The following MYH7 variants were observed in gnomAD, a reference collection of about 807,000 sequenced individuals.
MYH7 encodes myosin-7.
A neutral mutation model predicts 225.4 loss-of-function variants in MYH7; 129 were observed. The observed-to-expected ratio is 0.57, with a 90% CI of 0.50 to 0.66. The LOEUF (loss-of-function observed/expected upper bound fraction) is 0.66, where lower values mean the gene tolerates loss of function less well. Among genes scored for constraint, MYH7 ranks in the 30% least tolerant of loss-of-function variants. The pLI is 0.00. For synonymous variants in MYH7, 971 were observed against 1,007.6 expected (o/e 0.96, Z 0.69); for missense variants, 1,649 against 2,517.0 (o/e 0.66, Z 7.38).
intron 9 of MYH7, 78 bp from the exon 10 acceptor site, chr14:23,431,077 C>A (rs1246721160): frequency 3.8e-5 from 41 of 1,074,728 alleles, no homozygotes; most frequent in Non-Finnish European, 5.6e-5. Context: ...ATAAATGTAG[C>A]AAGCAAAAGG....
At position 23,425,784 on chromosome 14, in the gene MYH7, C is replaced by T; in HGVS notation, c.2197G>A (p.Gly733Arg). The change falls in exon 20 of 40, where the codon GGA becomes AGA. Residue 733 changes from glycine (G) to arginine (R), a missense_variant. By Grantham distance (125) the Gly-to-Arg change is moderately radical. Around this residue, in one of 12 missense-constraint regions of MYH7, gnomAD observed 41 missense variants for 124.8 expected, o/e 0.33. Coordinates refer to ENST00000355349, the MANE Select transcript of MYH7 (RefSeq NM_000257.4). This position sits in a 1 kb window ranked among gnomAD's most constrained non-coding sequence, Gnocchi z 4.6. The stretch of plus-strand genomic sequence containing the variant: ...CCCTTCCTGCTATCAATGAACTGTC[C>T]CTCAGGGATGGCCGCTGGGTTCAGG... ...RILNPAAIPE[G>R]QFIDSRKGAE... 2 of 1,613,948 alleles carry T rather than the reference C, an allele frequency of 1.2e-6. No homozygotes were observed. Among genetic ancestry groups the T allele is most frequent in the Non-Finnish European group, 1.7e-6 (2 of 1,179,858 alleles).
In MYH7 at chr14:23,416,878, T is replaced by G; in HGVS notation, c.4634A>C (p.Glu1545Ala). ...AEKMELQSAL[E>A]EAEASLEHEE... Reference sequence around the variant, plus strand: ...TGCACACACACACACCTCGGCCTCCTCCAGGGCTGACTGCAGCTCCATCTT... The same window carrying G: ...TGCACACACACACACCTCGGCCTCCGCCAGGGCTGACTGCAGCTCCATCTT... The change falls in exon 33 of 40, where the codon GAG becomes GCG. Residue 1545 changes from glutamate (E) to alanine (A), a missense_variant. Transcript: ENST00000355349. The G allele has an allele frequency of 6.2e-7, 1 of 1,614,132 alleles. No homozygotes were observed. Among genetic ancestry groups the G allele is most frequent in the South Asian group, 1.1e-5 (1 of 91,084 alleles).
rs551346887 is a variant in MYH7 at position 23,431,967 on chromosome 14, G to A, written c.531-98C>T. 3 of 1,277,822 alleles carry A rather than the reference G, an allele frequency of 2.3e-6. No homozygotes were observed. In the East Asian group the frequency reaches 7.0e-5, roughly 30 times the overall value. 79.2% of individuals were successfully genotyped at this position (1,277,822 alleles called of 1,614,324 possible). A position where few individuals can be genotyped will look rare whatever the true frequency, so the allele number is the denominator to read the frequency against. ...TGCCTGGGCCTACCCGAGAGTAGGA[G>A]CCCTGGGCAAGAAGCTGCCAGGTTA... On this transcript the variant is annotated intron_variant, in intron 6 of 39. Transcript: ENST00000355349.
chr14:23,417,765 C>T (rs995875048), intron 30 of MYH7, 79 bp from the exon 31 acceptor site: 13 of 1,548,426 alleles, frequency 8.4e-6, no homozygotes, highest in Non-Finnish European at 1.1e-5. Flanking sequence ...TGAACCTTCT[C>T]AAAGACAATC....
chr14:23,424,665 G>T, intron 22 of MYH7, 104 bp downstream of exon 22: 1 of 1,584,612 alleles, frequency 6.3e-7, no homozygotes, highest in South Asian at 1.1e-5. Context: ...AGAGTCCTCT[G>T]ACTGAAGGAA....
chr14:23,417,872 G>T, intron 30 of MYH7, 186 bp from the exon 31 acceptor site: 3 of 957,974 alleles, frequency 3.1e-6, no homozygotes, highest in South Asian at 2.7e-5. Context: ...GGAGACCCAG[G>T]CACCCTCTGA....
rs2138671993 is a variant in MYH7, at chr14:23,427,649, C to T, written c.1824G>A (p.Leu608=). The change falls in exon 16 of 40, where the codon TTG becomes TTA. Residue 608 remains leucine, a synonymous_variant. Coordinates refer to ENST00000355349, the MANE Select transcript of MYH7 (RefSeq NM_000257.4). ...KDPLNETVVG[L]YQKSSLKLLS... is the part of the protein sequence containing the mutation. The stretch of plus-strand genomic sequence containing the variant: ...GCAGCTTGAGGGAAGACTTCTGATA[C>T]AAGCCCACGACAGTCTCATTGAGAG... 6.2e-7 allele frequency: 1 copy of T among 1,614,240 alleles called. No homozygotes were observed. The highest frequency in any genetic ancestry group is 8.5e-7 in the Non-Finnish European group (1 of 1,180,052).
intron 24 of MYH7, among the ~76,000 whole-genome samples, chr14:23,422,671 G>A (rs1459253091): frequency 8.4e-6 from 1 of 119,066 alleles, no homozygotes; most frequent in Non-Finnish European, 1.6e-5. Context: ...TCACTCTGTC[G>A]CCAGGCTGGA....
intron 17 of MYH7, 125 bp downstream of exon 17, chr14:23,427,115 G>A: frequency 1.0e-6 from 1 of 977,928 alleles, no homozygotes; most frequent in Middle Eastern, 3.1e-4. Flanking sequence ...GAGTGAAAAT[G>A]GTCCCGAATG....
At chr14:23,430,455 C>T in intron 11 of MYH7, 105 bp downstream of exon 11, 1 of 907,086 alleles carries the variant, frequency 1.1e-6, no homozygotes, top group Admixed American at 2.0e-5. Context: ...GAGGTCCATA[C>T]CACTTTAAAC....
intron 4 of MYH7, 110 bp from the exon 5 acceptor site, chr14:23,432,905 G>T: frequency 6.6e-7 from 1 of 1,520,786 alleles, no homozygotes. Flanking sequence ...GAAAACCTCT[G>T]CATGCACTCA....
At chr14:23,430,224 G>A (rs1892871958) in intron 11 of MYH7, among the ~76,000 whole-genome samples, 1 of 152,078 alleles carries the variant, frequency 6.6e-6, no homozygotes, top group Non-Finnish European at 1.5e-5. Flanking sequence ...ATACCTGTCT[G>A]CATCTGTTCA....
Position 23,425,843 on chromosome 14 carries a change from A to C in MYH7, c.2163-25T>G. On this transcript the variant is annotated intron_variant, in intron 19 of 39. Coordinates refer to ENST00000355349, the MANE Select transcript of MYH7 (RefSeq NM_000257.4). The surrounding 1 kb of genome is among the most constrained non-coding windows in gnomAD (Gnocchi z 4.6). ...CCTGAGGAGGGAAGTGTCCAGAGTC[A>C]CCCATGCTCTGCAGTGATCTGCTCT... The C allele has an allele frequency of 6.2e-7, 1 of 1,613,616 alleles. No homozygotes were observed. The highest frequency in any genetic ancestry group is 1.1e-5 in the South Asian group (1 of 91,058).
intron 7 of MYH7, 26 bp downstream of exon 7, chr14:23,431,734 CA>C: frequency 6.2e-7 from 1 of 1,614,200 alleles, no homozygotes; most frequent in South Asian, 1.1e-5. Flanking sequence ...TTCTGCGGTA[CA>C]GGACCTTGGA....
rs964806982 is a variant in MYH7, at chr14:23,417,142, C to T, written c.4519+11G>A. ...GCAGCCCCTCCCCAGCCTCTTGGGCCCCCAGCACACCCTGCAGGTTTTTGT... is the reference window on the plus strand; with the variant it reads ...GCAGCCCCTCCCCAGCCTCTTGGGCTCCCAGCACACCCTGCAGGTTTTTGT... On this transcript the variant is annotated intron_variant, in intron 32 of 39. Transcript: ENST00000355349. 3 of 1,614,120 alleles carry T rather than the reference C, an allele frequency of 1.9e-6. No individual in the cohort carries two copies. In the East Asian group the frequency reaches 6.7e-5, roughly 36 times the overall value.
rs1060501445 is a variant in MYH7 at position 23,431,653 on chromosome 14, G to T, written c.664C>A (p.Gln222Lys). 6.2e-7 allele frequency: 1 copy of T among 1,614,134 alleles called. No individual in the cohort carries two copies. The highest frequency in any genetic ancestry group is 8.5e-7 in the Non-Finnish European group (1 of 1,180,056). Residue 222 changes from glutamine (Q) to lysine (K), a missense_variant, in exon 8 of 40, where the codon CAG becomes AAG. Transcript: ENST00000355349. ...GKGTLEDQIIQANPALEAFGN... is the reference protein window; with the variant it reads ...GKGTLEDQIIKANPALEAFGN... Reference sequence around the variant, plus strand: ...AAGGCCTCCAGAGCAGGGTTGGCCTGGATGATCTGGTCCTCCAGGGTGCCC... The same window carrying T: ...AAGGCCTCCAGAGCAGGGTTGGCCTTGATGATCTGGTCCTCCAGGGTGCCC...
At position 23,425,468 on chromosome 14, in the gene MYH7, A is replaced by C; in HGVS notation, c.2287-50T>G. 1 of 1,613,566 alleles carries C rather than the reference A, an allele frequency of 6.2e-7. No homozygotes were observed. The highest frequency in any genetic ancestry group is 8.5e-7 in the Non-Finnish European group (1 of 1,179,944). On this transcript the variant is annotated intron_variant, in intron 20 of 39. Coordinates refer to ENST00000355349, the MANE Select transcript of MYH7 (RefSeq NM_000257.4). The surrounding 1 kb of genome is among the most constrained non-coding windows in gnomAD (Gnocchi z 4.6). ...ATGACTAGGGAGGGGTACGAGGGAA[A>C]GAGATGGTGGGGATTACCTTAGGAA...
chr14:23,416,944 A>G lies in MYH7; in HGVS notation c.4568T>C (p.Ile1523Thr), dbSNP rs1892237828. Residue 1523 changes from isoleucine (I) to threonine (T), a missense_variant, in exon 33 of 40, where the codon ATC becomes ACC. Physicochemically the swap from Ile to Thr is moderately conservative, Grantham distance 89 (BLOSUM62 -1). Around this residue, in one of 12 missense-constraint regions of MYH7, gnomAD observed 687 missense variants for 913.8 expected, o/e 0.75. Transcript: ENST00000355349. ...TEQLGSSGKT[I>T]HELEKVRKQL... ...CTTTCGGACCTTCTCCAGCTCATGG[A>G]TAGTCTTTCCGCTGGAACCCAACTG... The G allele has an allele frequency of 6.2e-7, 1 of 1,614,166 alleles. No individual in the cohort carries two copies. Among genetic ancestry groups the G allele is most frequent in the Non-Finnish European group, 8.5e-7 (1 of 1,180,036 alleles).
In MYH7 at chr14:23,418,405, G is replaced by A. The variant is rs768393069; in HGVS notation, c.3974C>T (p.Ala1325Val). Residue 1325 changes from alanine to valine, a missense_variant and splice_region_variant, in exon 30 of 40, where the codon GCG becomes GTG. Ala to Val is a moderately conservative substitution (Grantham distance 64). Around this residue, in one of 12 missense-constraint regions of MYH7, gnomAD observed 687 missense variants for 913.8 expected, o/e 0.75. Coordinates refer to ENST00000355349, the MANE Select transcript of MYH7 (RefSeq NM_000257.4). The stretch of plus-strand genomic sequence containing the variant: ...CAGTGCGTGGGCCAGGGCGTTCTTC[G>A]CCTGGGGAGGGGTGGGCACCAGGAG... ...LKRQLEEEVK[A>V]KNALAHALQS... 2.3e-5 allele frequency: 37 copies of A among 1,603,742 alleles called. No individual in the cohort carries two copies. Among genetic ancestry groups the A allele is most frequent in the East Asian group, 1.1e-4 (5 of 44,714 alleles).
Sources: allele counts gnomAD v4.1 joint callset (sites outside exome capture counted in the v4.1 genomes callset), GRCh38; gene constraint gnomAD v4.1.1; regional missense constraint gnomAD v4.1.1; non-coding constraint Gnocchi (gnomAD v3.1); transcripts MANE v1.5; gene names NCBI Gene and HGNC (gene_info 2026-07-23, HGNC 2026-07-21).